The following SAMD3 variants were observed in gnomAD, a reference collection of about 807,000 sequenced individuals.
SAMD3 encodes sterile alpha motif domain-containing protein 3.
Under a neutral mutation model 58.5 loss-of-function variants are expected in SAMD3, and 63 were observed. The observed-to-expected ratio is 1.08, with a 90% CI of 0.88 to 1.33. The LOEUF (loss-of-function observed/expected upper bound fraction) is 1.33, where lower values mean the gene tolerates loss of function less well. Ranked by LOEUF, SAMD3 falls within the 40% of genes most tolerant of loss-of-function variation. SAMD3 has a pLI of 0.00. For synonymous variants in SAMD3, 220 were observed against 210.3 expected, an observed-to-expected ratio of 1.05 and a Z score of -0.40; for missense variants, 604 against 608.4, an observed-to-expected ratio of 0.99 and a Z score of 0.08.
chr6:130,189,646 T>A (rs971645224), intron 5 of SAMD3, among the ~76,000 whole-genome samples: 14 of 152,356 alleles, frequency 9.2e-5, no homozygotes, highest in African/African-American at 3.1e-4. Flanking sequence ...TTTCCATGGT[T>A]CATGCTACTA....
chr6:130,207,995 G>A (rs1795226519), intron 5 of SAMD3, among the ~76,000 whole-genome samples: 1 of 152,352 alleles, frequency 6.6e-6, no homozygotes, highest in Non-Finnish European at 1.5e-5. Flanking sequence ...AGTCCCCTGA[G>A]CTCTCACGCT....
intron 1 of SAMD3, among the ~76,000 whole-genome samples, chr6:130,344,677 T>C (rs934189354): frequency 6.6e-6 from 1 of 151,898 alleles, no homozygotes; most frequent in Non-Finnish European, 1.5e-5. Context: ...GCGTGAGCCA[T>C]GGAGCCCAGC....
chr6:130,183,095 G>A (rs1023336113), intron 7 of SAMD3: 3 of 304,924 alleles, frequency 9.8e-6, no homozygotes, highest in Admixed American at 4.7e-5. Flanking sequence ...CAGGAGACAG[G>A]CAGGTTCAAA....
chr6:130,298,403 G>T, intron 2 of SAMD3, among the ~76,000 whole-genome samples: 1 of 152,082 alleles, frequency 6.6e-6, no homozygotes, highest in South Asian at 2.1e-4. Context: ...GGAAACAAAA[G>T]AATGACGCTT....
intron 8 of SAMD3, chr6:130,162,129 A>G (rs186078769): frequency 3.1e-4 from 192 of 614,802 alleles, no homozygotes; most frequent in Middle Eastern, 2.7e-3. Flanking sequence ...TTGTATAAAG[A>G]GCGTATGCTA....
intron 2 of SAMD3, among the ~76,000 whole-genome samples, chr6:130,251,930 T>C (rs1199111825): frequency 6.6e-6 from 1 of 151,990 alleles, no homozygotes; most frequent in Non-Finnish European, 1.5e-5. Context: ...AGTGAGTTTA[T>C]AGCATTGTTT....
chr6:130,250,052 T>A (rs144302240), intron 2 of SAMD3, among the ~76,000 whole-genome samples: 1 of 152,176 alleles, frequency 6.6e-6, no homozygotes, highest in South Asian at 2.1e-4. Context: ...ATAGGAAATA[T>A]GCGGGAATGG....
At chr6:130,246,819 C>T (rs73603997) in intron 2 of SAMD3, among the ~76,000 whole-genome samples, 2,576 of 152,200 alleles carry the variant, frequency 0.017, 76 homozygotes, top group African/African-American at 0.059. Context: ...AACCTGGGAA[C>T]TGGAGGTTGC....
intron 1 of SAMD3, among the ~76,000 whole-genome samples, chr6:130,360,413 G>A (rs1234825249): frequency 6.6e-6 from 1 of 152,142 alleles, no homozygotes; most frequent in Non-Finnish European, 1.5e-5. Context: ...TGGGCATCTG[G>A]GGGAGACATC....
intron 1 of SAMD3, among the ~76,000 whole-genome samples, chr6:130,355,332 G>A (rs1340457920): frequency 6.6e-6 from 1 of 152,154 alleles, no homozygotes; most frequent in Non-Finnish European, 1.5e-5. Context: ...GCTGAGGCAG[G>A]AGAATCATTT....
chr6:130,266,868 T>A (rs931811682), intron 2 of SAMD3, among the ~76,000 whole-genome samples: 5 of 152,260 alleles, frequency 3.3e-5, no homozygotes, highest in African/African-American at 1.2e-4. Context: ...CCTGAGAGAA[T>A]TATACGATAT....
chr6:130,190,238 G>A lies in SAMD3; in HGVS notation c.384-5615C>T, dbSNP rs117727427. ...CGGTTTCCTAGAACAAAATGTCAAC[G>A]CTCTTTGGGCGAACACAACAGATTC... On this transcript the variant is annotated intron_variant, in intron 5 of 11. Coordinates refer to ENST00000439090, the MANE Select transcript of SAMD3 (RefSeq NM_001017373.4). Among the ~76,000 whole-genome samples the A allele has an allele frequency of 4.9e-3, 746 of 152,016 alleles. 3 individuals carry two copies. Among genetic ancestry groups the A allele is most frequent in the Admixed American group, 9.1e-3 (139 of 15,260 alleles).
At chr6:130,360,748 T>C (rs551429495) in intron 1 of SAMD3, among the ~76,000 whole-genome samples, 2 of 152,302 alleles carry the variant, frequency 1.3e-5, no homozygotes, top group South Asian at 2.1e-4. Context: ...GGGAGCGCTA[T>C]GGGAGACTGG....
intron 2 of SAMD3, among the ~76,000 whole-genome samples, chr6:130,238,410 C>T (rs1773239495): frequency 6.6e-6 from 1 of 152,030 alleles, no homozygotes; most frequent in African/African-American, 2.4e-5. Context: ...TAATTACTGA[C>T]TTTTAGTTCT....
intron 5 of SAMD3, among the ~76,000 whole-genome samples, chr6:130,195,685 C>A (rs1794040000): frequency 6.6e-6 from 1 of 152,170 alleles, no homozygotes; most frequent in African/African-American, 2.4e-5. Flanking sequence ...AGCAAATTAC[C>A]TGGGCTGTAC....
chr6:130,187,735 T>C (rs146830346), intron 5 of SAMD3, among the ~76,000 whole-genome samples: 1 of 152,234 alleles, frequency 6.6e-6, no homozygotes, highest in Non-Finnish European at 1.5e-5. Context: ...CAGAACACCA[T>C]AATAAGTCAG....
At chr6:130,213,271 C>A (rs1795723674) in intron 4 of SAMD3, among the ~76,000 whole-genome samples, 1 of 151,780 alleles carries the variant, frequency 6.6e-6, no homozygotes, top group Non-Finnish European at 1.5e-5. Context: ...GCACTCCAGC[C>A]TGGGGGTCAG....
chr6:130,238,958 T>C (rs1329252821), intron 2 of SAMD3, among the ~76,000 whole-genome samples: 1 of 152,082 alleles, frequency 6.6e-6, no homozygotes, highest in Non-Finnish European at 1.5e-5. Flanking sequence ...GGGGTTTCAC[T>C]ATGTTGGCTA....
At chr6:130,262,674 GAA>G (rs1774184017) in intron 2 of SAMD3, among the ~76,000 whole-genome samples, 1 of 151,734 alleles carries the variant, frequency 6.6e-6, no homozygotes, top group Non-Finnish European at 1.5e-5. Flanking sequence ...AACTATTAAA[GAA>G]ACAGTTTATG....
Sources: gnomAD v4.1 joint callset for allele counts (sites outside exome capture counted in the v4.1 genomes callset) on GRCh38, gnomAD v4.1.1 for gene constraint, MANE v1.5 for transcripts, NCBI Gene and HGNC (gene_info 2026-07-23, HGNC 2026-07-21) for gene names.